The following SLCO3A1 variants were observed in gnomAD, a reference collection of about 807,000 sequenced individuals.
SLCO3A1 encodes the protein solute carrier organic anion transporter family member 3A1.
In SLCO3A1, 27 loss-of-function variants were observed where a neutral mutation model predicts 63.1. That is an observed-to-expected ratio of 0.43 (90% CI 0.32 to 0.59). The LOEUF is 0.59. Among genes scored for constraint, SLCO3A1 ranks in the 20% least tolerant of loss-of-function variants. The pLI is 0.09. For missense variants in SLCO3A1, 773 were observed against 945.8 expected (o/e 0.82, Z 2.40); for synonymous variants, 473 against 409.9 (o/e 1.15, Z -1.86).
chr15:92,134,550 A>G (rs1380264376), intron 7 of SLCO3A1, among the ~76,000 whole-genome samples: 1 of 152,256 alleles, frequency 6.6e-6, no homozygotes, highest in Non-Finnish European at 1.5e-5. Context: ...TACATAGACA[A>G]TAATCCCTTT....
At chr15:92,042,455 G>A (rs2046811546) in intron 2 of SLCO3A1, among the ~76,000 whole-genome samples, 4 of 152,196 alleles carry the variant, frequency 2.6e-5, no homozygotes, top group Admixed American at 2.6e-4. Context: ...GAACGAGGCT[G>A]TATGTCTGCT....
At chr15:91,936,886 A>G (rs1318227870) in intron 2 of SLCO3A1, among the ~76,000 whole-genome samples, 2 of 152,158 alleles carry the variant, frequency 1.3e-5, no homozygotes, top group Non-Finnish European at 2.9e-5. Flanking sequence ...TAGGCACCAT[A>G]TGTCCCAATT....
At chr15:91,908,912 T>C (rs1898396075) in intron 1 of SLCO3A1, among the ~76,000 whole-genome samples, 1 of 152,018 alleles carries the variant, frequency 6.6e-6, no homozygotes, top group African/African-American at 2.4e-5. Context: ...AATACAAAAA[T>C]TAGCTGGGCG....
At chr15:92,127,919 T>G (rs1016083859) in intron 6 of SLCO3A1, among the ~76,000 whole-genome samples, 4 of 152,098 alleles carry the variant, frequency 2.6e-5, no homozygotes, top group African/African-American at 9.7e-5. Flanking sequence ...GGTGCAGGCA[T>G]AGCAGTGTTC....
chr15:91,926,597 G>GTGTGTGTGCGCA (rs1304406067), intron 2 of SLCO3A1, among the ~76,000 whole-genome samples: 2 of 31,854 alleles, frequency 6.3e-5, no homozygotes, highest in African/African-American at 1.3e-4. Flanking sequence ...GTGTGTGTGT[G>GTGTGTGTGCGCA]CGCGCGCGCA....
At chr15:92,026,308 A>C (rs1459021268) in intron 2 of SLCO3A1, among the ~76,000 whole-genome samples, 3 of 152,240 alleles carry the variant, frequency 2.0e-5, no homozygotes, top group Non-Finnish European at 4.4e-5. Context: ...AGAATGGAGA[A>C]GGCAGGTGTG....
intron 1 of SLCO3A1, among the ~76,000 whole-genome samples, chr15:91,913,377 G>C (rs1016425663): frequency 6.6e-6 from 1 of 152,212 alleles, no homozygotes; most frequent in Non-Finnish European, 1.5e-5. Context: ...ACTGCCATTA[G>C]AATCACCTGG....
intron 2 of SLCO3A1, among the ~76,000 whole-genome samples, chr15:92,029,231 A>T (rs889030632): frequency 2.6e-5 from 4 of 152,016 alleles, no homozygotes; most frequent in Non-Finnish European, 4.4e-5. Flanking sequence ...ACCCTGGGGG[A>T]AAAAAAGGAA....
At chr15:91,982,680 G>A (rs1000387278) in intron 2 of SLCO3A1, among the ~76,000 whole-genome samples, 2 of 152,232 alleles carry the variant, frequency 1.3e-5, no homozygotes, top group African/African-American at 2.4e-5. Context: ...AGGAAGATGC[G>A]TGTCCTGGAA....
intron 1 of SLCO3A1, among the ~76,000 whole-genome samples, chr15:91,908,340 A>G (rs760964597): frequency 2.6e-5 from 4 of 152,098 alleles, no homozygotes; most frequent in Non-Finnish European, 4.4e-5. Flanking sequence ...GCCCCCATTT[A>G]TATGTGAACA....
At chr15:92,168,239 G>T (rs894430489), downstream of SLCO3A1, among the ~76,000 whole-genome samples, 2 of 152,240 alleles carry the variant, frequency 1.3e-5, no homozygotes, top group South Asian at 4.1e-4. Context: ...GCTCTGGAGA[G>T]TGGGTGGCCT....
At position 91,942,608 on chromosome 15, in the gene SLCO3A1, G is replaced by A. The variant is rs1460587806; in HGVS notation, c.646+26150G>A. Among the ~76,000 whole-genome samples the A allele has an allele frequency of 6.6e-6, 1 of 152,170 alleles. No individual in the cohort carries two copies. The highest frequency in any genetic ancestry group is 1.5e-5 in the Non-Finnish European group (1 of 68,034). On this transcript the variant is annotated intron_variant, in intron 2 of 9. Transcript: ENST00000318445. The surrounding 1 kb of genome is among the most constrained non-coding windows in gnomAD (Gnocchi z 4.1). ...TTGTTTGTTTGTTTGTTTCGAGACC[G>A]AGTCTTGCTCTGTCGACCAGGCTGG...
chr15:91,981,587 G>A (rs1192468770), intron 2 of SLCO3A1, among the ~76,000 whole-genome samples: 3 of 152,022 alleles, frequency 2.0e-5, no homozygotes, highest in African/African-American at 4.8e-5. Flanking sequence ...TATGGTGATC[G>A]TAACATTTAT....
intron 2 of SLCO3A1, among the ~76,000 whole-genome samples, chr15:92,044,282 T>C (rs1317951781): frequency 6.6e-6 from 1 of 152,146 alleles, no homozygotes; most frequent in Non-Finnish European, 1.5e-5. Flanking sequence ...TGGAATGATG[T>C]GTACCCCCCG....
Position 91,885,810 on chromosome 15 carries a change from C to T in SLCO3A1, c.181-30183C>T, listed in dbSNP as rs966075169. ...ACCTTTCTCTAAAGGCCTCTCTGGG[C>T]GGGTGATATTTGAGTAGATTTGAAA... On this transcript the variant is annotated intron_variant, in intron 1 of 9. Transcript: ENST00000318445. The surrounding 1 kb of genome is among the most constrained non-coding windows in gnomAD (Gnocchi z 4.7). Among the ~76,000 whole-genome samples, 5 of 152,180 alleles carry T rather than the reference C, an allele frequency of 3.3e-5. No individual in the cohort carries two copies. The highest frequency in any genetic ancestry group is 7.2e-5 in the African/African-American group (3 of 41,502).
chr15:91,930,660 G>T (rs1899193868), intron 2 of SLCO3A1, among the ~76,000 whole-genome samples: 1 of 152,200 alleles, frequency 6.6e-6, no homozygotes, highest in African/African-American at 2.4e-5. Context: ...CGTACAAGGT[G>T]CTGGGGATAC....
intron 2 of SLCO3A1, among the ~76,000 whole-genome samples, chr15:92,079,343 T>C (rs2047315406): frequency 6.6e-6 from 1 of 152,218 alleles, no homozygotes; most frequent in South Asian, 2.1e-4. Context: ...CAACATGCCA[T>C]AGACTGGGTG....
intron 1 of SLCO3A1, among the ~76,000 whole-genome samples, chr15:91,903,763 C>A (rs1441999104): frequency 6.6e-6 from 1 of 152,168 alleles, no homozygotes; most frequent in Non-Finnish European, 1.5e-5. Context: ...AAGATGGTAG[C>A]CATAGATGTG....
intron 2 of SLCO3A1, among the ~76,000 whole-genome samples, chr15:91,960,335 C>T (rs923048386): frequency 3.9e-5 from 6 of 152,138 alleles, no homozygotes; most frequent in Non-Finnish European, 1.5e-5. Context: ...TTTGTAAGGT[C>T]CATCCATGTT....
Sources: gnomAD v4.1 joint callset for allele counts (sites outside exome capture counted in the v4.1 genomes callset) on GRCh38, gnomAD v4.1.1 for gene constraint, Gnocchi (gnomAD v3.1) non-coding constraint, MANE v1.5 for transcripts, NCBI Gene and HGNC (gene_info 2026-07-23, HGNC 2026-07-21) for gene names.